The following MCCC2 variants were observed in gnomAD, a reference collection of about 807,000 sequenced individuals.
MCCC2 encodes methylcrotonoyl-CoA carboxylase beta chain, mitochondrial.
Under a neutral mutation model 77.2 loss-of-function variants are expected in MCCC2, and 52 were observed. The observed-to-expected ratio is 0.67, with a 90% CI of 0.54 to 0.85. The LOEUF (loss-of-function observed/expected upper bound fraction) is 0.85, where lower values mean the gene tolerates loss of function less well. Ranked by LOEUF, MCCC2 falls within the 40% of genes least tolerant of loss-of-function variation. The probability of loss-of-function intolerance (pLI) is 0.00; values close to 1 mark genes in which losing one functional copy is unlikely to be tolerated. For synonymous variants in MCCC2, 253 were observed against 248.4 expected, an observed-to-expected ratio of 1.02 and a Z score of -0.18; for missense variants, 682 against 703.2, an observed-to-expected ratio of 0.97 and a Z score of 0.34.
At chr5:71,630,421 C>T (rs957490477) in intron 7 of MCCC2, among the ~76,000 whole-genome samples, 12 of 151,918 alleles carry the variant, frequency 7.9e-5, no homozygotes, top group Non-Finnish European at 1.8e-4. Context: ...TTGCACCTAT[C>T]ACACTATCAA....
Position 71,605,339 on chromosome 5 carries a change from C to A in MCCC2, c.624+871C>A, listed in dbSNP as rs1299562894. Among the ~76,000 whole-genome samples the A allele has an allele frequency of 2.2e-4, 34 of 151,232 alleles. 1 individual carries two copies. In the South Asian group the frequency reaches 6.5e-3, roughly 29 times the overall value. ...GCATTTCTCTGATGGCCAGTGATGA[C>A]GAGCATTTTTTCATGTGTTTTTTGG... is the stretch of plus-strand genomic sequence containing the variant. On this transcript the variant is annotated intron_variant, in intron 6 of 16. Coordinates refer to ENST00000340941, the MANE Select transcript of MCCC2 (RefSeq NM_022132.5).
chr5:71,630,464 G>A (rs1480816963), intron 7 of MCCC2, among the ~76,000 whole-genome samples: 1 of 151,624 alleles, frequency 6.6e-6, no homozygotes, highest in Non-Finnish European at 1.5e-5. Context: ...ATTAACTGAT[G>A]ACAAATTCTT....
At chr5:71,652,847 C>A in intron 16 of MCCC2, 93 bp downstream of exon 16, 1 of 1,036,638 alleles carries the variant, frequency 9.6e-7, no homozygotes, top group Non-Finnish European at 1.5e-6. Context: ...GATGGTCCAG[C>A]ATTCATAGGA....
chr5:71,594,361 T>G (rs897480005), intron 2 of MCCC2, among the ~76,000 whole-genome samples: 2 of 151,956 alleles, frequency 1.3e-5, no homozygotes, highest in African/African-American at 4.8e-5. Context: ...AAACCCTGTC[T>G]CTACTAAAAA....
intron 6 of MCCC2, among the ~76,000 whole-genome samples, chr5:71,619,689 C>T (rs1230506067): frequency 6.6e-6 from 1 of 152,072 alleles, no homozygotes; most frequent in Non-Finnish European, 1.5e-5. Context: ...GTGTGCTACC[C>T]TGCTTGGCTT....
chr5:71,623,540 C>CAGCAAG (rs1228181170), intron 6 of MCCC2, among the ~76,000 whole-genome samples: 1 of 152,160 alleles, frequency 6.6e-6, no homozygotes, highest in African/African-American at 2.4e-5. Context: ...GAAAGAGGGC[C>CAGCAAG]AGCAAGAGCA....
intron 10 of MCCC2, chr5:71,635,449 G>T: frequency 1.5e-6 from 1 of 650,104 alleles, no homozygotes; most frequent in South Asian, 1.6e-5. Context: ...AGAGGGGAGT[G>T]GGGGACCTCA....
intron 6 of MCCC2, among the ~76,000 whole-genome samples, chr5:71,605,530 C>A (rs1213044305): frequency 2.0e-5 from 3 of 150,452 alleles, no homozygotes; most frequent in African/African-American, 7.3e-5. Context: ...TTGTAGGTTG[C>A]CTGTTCACTC....
chr5:71,618,436 C>T (rs914748241), intron 6 of MCCC2, among the ~76,000 whole-genome samples: 3 of 152,148 alleles, frequency 2.0e-5, no homozygotes, highest in African/African-American at 7.2e-5. Context: ...GCTTCCAGAA[C>T]CGTGAAAAGT....
intron 6 of MCCC2, among the ~76,000 whole-genome samples, chr5:71,620,839 A>T (rs968028527): frequency 1.3e-5 from 2 of 152,104 alleles, no homozygotes; most frequent in African/African-American, 4.8e-5. Context: ...TCTTGATTCA[A>T]GTCTTAGAAT....
intron 6 of MCCC2, among the ~76,000 whole-genome samples, chr5:71,610,249 G>C (rs460778): frequency 6.6e-6 from 1 of 151,998 alleles, no homozygotes; most frequent in South Asian, 2.1e-4. Flanking sequence ...CTCCGAGCCA[G>C]GTGCGGGATA....
chr5:71,592,057 C>A (rs1057474484), intron 1 of MCCC2, among the ~76,000 whole-genome samples: 2 of 152,192 alleles, frequency 1.3e-5, no homozygotes, highest in Non-Finnish European at 2.9e-5. Context: ...CATAAGCCAC[C>A]ACACTCAGCC....
chr5:71,647,740 C>A (rs1230145838), intron 13 of MCCC2, among the ~76,000 whole-genome samples: 4 of 152,078 alleles, frequency 2.6e-5, no homozygotes, highest in Admixed American at 2.0e-4. Context: ...GATAAGAACC[C>A]CCCTGAGAGA....
Position 71,656,888 on chromosome 5 carries a change from C to G in MCCC2, c.*28C>G. The G allele has an allele frequency of 6.5e-7, 1 of 1,548,314 alleles. No individual in the cohort carries two copies. Among genetic ancestry groups the G allele is most frequent in the Non-Finnish European group, 8.9e-7 (1 of 1,120,448 alleles). The stretch of plus-strand genomic sequence containing the variant: ...GGAATAAAGGATGTTTTCTGTTGGA[C>G]ATGTACTGAAAATTAACACATGTAG... On this transcript the variant is annotated 3_prime_UTR_variant, in exon 17 of 17. Transcript: ENST00000340941.
intron 2 of MCCC2, among the ~76,000 whole-genome samples, chr5:71,595,428 C>CA (rs56048450): frequency 0.12 from 13,996 of 115,182 alleles, 2,696 homozygotes; most frequent in African/African-American, 0.42. Flanking sequence ...GATCTTGTCT[C>CA]AAAAAAAAAA....
At chr5:71,634,734 T>C (rs1746857721) in intron 8 of MCCC2, among the ~76,000 whole-genome samples, 1 of 152,228 alleles carries the variant, frequency 6.6e-6, no homozygotes, top group Non-Finnish European at 1.5e-5. Context: ...ACTTCAGCTT[T>C]TCCTGTTTGT....
chr5:71,598,474 C>G lies in MCCC2; in HGVS notation c.282-1185C>G, dbSNP rs75089316. ...TTATTTTTTGAGATGGAGTTTTGCCCTGTTGCCCAGGCTGGGGTGCAGTGG... is the reference window on the plus strand; with the variant it reads ...TTATTTTTTGAGATGGAGTTTTGCCGTGTTGCCCAGGCTGGGGTGCAGTGG... On this transcript the variant is annotated intron_variant, in intron 3 of 16. Coordinates refer to ENST00000340941, the MANE Select transcript of MCCC2 (RefSeq NM_022132.5). 9.7e-4 allele frequency among the ~76,000 whole-genome samples: 146 copies of G among 151,282 alleles called. 2 individuals carry two copies. In the East Asian group the frequency reaches 0.029, roughly 30 times the overall value.
chr5:71,640,080 T>A (rs964078750), intron 10 of MCCC2, among the ~76,000 whole-genome samples: 1 of 152,198 alleles, frequency 6.6e-6, no homozygotes, highest in African/African-American at 2.4e-5. Flanking sequence ...ACAGTAGTCC[T>A]GATATATAAT....
In MCCC2 at chr5:71,587,431, G is replaced by C. The variant is rs727504007; in HGVS notation, c.6G>C (p.Trp2Cys). 10 of 1,534,654 alleles carry C rather than the reference G, an allele frequency of 6.5e-6. No homozygotes were observed. In the South Asian group the frequency reaches 1.2e-4, roughly 18 times the overall value. Residue 2 changes from tryptophan to cysteine, a missense_variant, in exon 1 of 17, where the codon TGG becomes TGC. Trp to Cys is a radical substitution (Grantham distance 215). Coordinates refer to ENST00000340941, the MANE Select transcript of MCCC2 (RefSeq NM_022132.5). ...CTCGCTCGGTGCCCGCCGCCATGTG[G>C]GCCGTCCTGAGGTTAGCCCTGCGGC... is the stretch of plus-strand genomic sequence containing the variant. The part of the protein sequence containing the change: M[W>C]AVLRLALRPC...
Sources: gnomAD v4.1 joint callset for allele counts (sites outside exome capture counted in the v4.1 genomes callset) on GRCh38, gnomAD v4.1.1 for gene constraint, MANE v1.5 for transcripts, NCBI Gene and HGNC (gene_info 2026-07-23, HGNC 2026-07-21) for gene names.